RSU1: variants seen among roughly 807,000 people sequenced by gnomAD.
RSU1 encodes the protein rsu-1.
Under a neutral mutation model 31.1 loss-of-function variants are expected in RSU1, and 26 were observed. That is an observed-to-expected ratio of 0.84 (90% confidence interval 0.61 to 1.16). RSU1 has a LOEUF of 1.16. RSU1 is among the 50% of genes most tolerant of loss of function. The pLI is 0.00. For synonymous variants in RSU1, 164 were observed against 136.3 expected, an observed-to-expected ratio of 1.20 and a Z score of -1.41; for missense variants, 320 against 339.1, an observed-to-expected ratio of 0.94 and a Z score of 0.44.
At chr10:16,594,373 T>TG in intron 8 of RSU1, among the ~76,000 whole-genome samples, 1 of 151,058 alleles carries the variant, frequency 6.6e-6, no homozygotes, top group Non-Finnish European at 1.5e-5. Flanking sequence ...CTCTGGATGC[T>TG]GGCATCTTGG....
At chr10:16,642,692 A>G (rs961850524) in intron 8 of RSU1, among the ~76,000 whole-genome samples, 1 of 152,210 alleles carries the variant, frequency 6.6e-6, no homozygotes, top group African/African-American at 2.4e-5. Flanking sequence ...CTGAAATCAT[A>G]TATTATGTAT....
intron 8 of RSU1, among the ~76,000 whole-genome samples, chr10:16,679,470 G>T (rs1835288828): frequency 6.6e-6 from 1 of 152,132 alleles, no homozygotes; most frequent in African/African-American, 2.4e-5. Context: ...GAAAGTAGAG[G>T]CCCTAAAGAA....
At chr10:16,618,093 G>A (rs2131475389) in intron 8 of RSU1, among the ~76,000 whole-genome samples, 1 of 152,256 alleles carries the variant, frequency 6.6e-6, no homozygotes, top group Admixed American at 6.5e-5. Flanking sequence ...TCTGACAAAG[G>A]TCTATTATCT....
chr10:16,680,190 G>A (rs541684674), intron 8 of RSU1, among the ~76,000 whole-genome samples: 1 of 151,998 alleles, frequency 6.6e-6, no homozygotes, highest in East Asian at 1.9e-4. Flanking sequence ...CCAAAAACCG[G>A]ATTTTTAAGA....
At chr10:16,812,492 T>C (rs1003861666) in intron 2 of RSU1, among the ~76,000 whole-genome samples, 2 of 152,024 alleles carry the variant, frequency 1.3e-5, no homozygotes, top group Admixed American at 6.6e-5. Flanking sequence ...TAATAGATTA[T>C]ATCTAAAATT....
intron 8 of RSU1, among the ~76,000 whole-genome samples, chr10:16,678,744 C>A (rs539937928): frequency 6.6e-6 from 1 of 152,124 alleles, no homozygotes; most frequent in South Asian, 2.1e-4. Flanking sequence ...AGAGGATGTG[C>A]CCACTCCTCC....
intron 2 of RSU1, among the ~76,000 whole-genome samples, chr10:16,814,817 A>G (rs770236656): frequency 7.6e-6 from 1 of 131,610 alleles, no homozygotes; most frequent in Non-Finnish European, 1.5e-5. Flanking sequence ...TACCGGAAAT[A>G]TATTTCAGGA....
At chr10:16,757,393 C>G (rs1321050579) in intron 4 of RSU1, among the ~76,000 whole-genome samples, 1 of 152,138 alleles carries the variant, frequency 6.6e-6, no homozygotes, top group Non-Finnish European at 1.5e-5. Flanking sequence ...CAGCTGACAG[C>G]AGAGGGGGCA....
intron 8 of RSU1, among the ~76,000 whole-genome samples, chr10:16,627,575 GAAACCCTGTCTCTACT>G (rs1235520823): frequency 6.6e-6 from 1 of 151,964 alleles, no homozygotes; most frequent in Non-Finnish European, 1.5e-5. Context: ...CCAAAATGGT[GAAACCCTGTCTCTACT>G]AAATACAAAA....
chr10:16,800,040 A>G (rs2131670176), intron 2 of RSU1, among the ~76,000 whole-genome samples: 1 of 152,294 alleles, frequency 6.6e-6, no homozygotes, highest in Non-Finnish European at 1.5e-5. Context: ...TTCAACAGGG[A>G]AAATCTAAGA....
At chr10:16,806,033 G>C (rs1027176481) in intron 2 of RSU1, among the ~76,000 whole-genome samples, 5 of 152,176 alleles carry the variant, frequency 3.3e-5, no homozygotes, top group African/African-American at 1.2e-4. Context: ...AATGTTTCTT[G>C]CTTTGAAAAT....
chr10:16,655,076 G>A (rs111328709), intron 8 of RSU1, among the ~76,000 whole-genome samples: 25,690 of 78,092 alleles, frequency 0.33, 2,837 homozygotes, highest in South Asian at 0.52. Context: ...AAAAAAAAAA[G>A]AGAGAGAGAG....
chr10:16,677,561 G>C (rs1021218673), intron 8 of RSU1, among the ~76,000 whole-genome samples: 2 of 152,158 alleles, frequency 1.3e-5, no homozygotes, highest in African/African-American at 4.8e-5. Context: ...CTTGTATCAT[G>C]CATGTGTACA....
chr10:16,775,254 T>C (rs113302224), intron 3 of RSU1, among the ~76,000 whole-genome samples: 3 of 152,264 alleles, frequency 2.0e-5, no homozygotes, highest in Admixed American at 2.0e-4. Flanking sequence ...CTATCATCAA[T>C]AGCAATAGAA....
intron 7 of RSU1, among the ~76,000 whole-genome samples, chr10:16,752,206 C>G (rs1836993127): frequency 6.6e-6 from 1 of 152,194 alleles, no homozygotes; most frequent in Non-Finnish European, 1.5e-5. Context: ...ACCCAGAAAG[C>G]TTACCCAGCT....
At chr10:16,693,731 G>A (rs140296480) in intron 8 of RSU1, among the ~76,000 whole-genome samples, 1 of 152,134 alleles carries the variant, frequency 6.6e-6, no homozygotes, top group Non-Finnish European at 1.5e-5. Flanking sequence ...GCATGGTGGT[G>A]TGCTCCTGTA....
intron 8 of RSU1, among the ~76,000 whole-genome samples, chr10:16,612,604 C>T (rs577247660): frequency 4.8e-4 from 73 of 152,262 alleles, no homozygotes; most frequent in African/African-American, 7.5e-4. Context: ...AATAATCTTA[C>T]GGTAACTCTG....
At chr10:16,749,445 T>G (rs1328705683) in intron 7 of RSU1, among the ~76,000 whole-genome samples, 1 of 152,162 alleles carries the variant, frequency 6.6e-6, no homozygotes, top group African/African-American at 2.4e-5. Context: ...TCAAAAGCAT[T>G]TATCTCGTGT....
chr10:16,706,830 C>A (rs767332629), intron 7 of RSU1, among the ~76,000 whole-genome samples: 1 of 152,152 alleles, frequency 6.6e-6, no homozygotes, highest in African/African-American at 2.4e-5. Flanking sequence ...TTTATTCCTA[C>A]TGTCTAAATG....
Sources: allele counts gnomAD v4.1 joint callset (sites outside exome capture counted in the v4.1 genomes callset), GRCh38; gene constraint gnomAD v4.1.1; transcripts MANE v1.5; gene names NCBI Gene and HGNC (gene_info 2026-07-23, HGNC 2026-07-21).